The following UGT2A3 variants were observed in gnomAD, a reference collection of about 807,000 sequenced individuals.
UGT2A3 encodes UDP glucuronosyltransferase family 2 member A3.
Under a neutral mutation model 44.1 loss-of-function variants are expected in UGT2A3, and 55 were observed. The ratio of observed to expected loss-of-function variants is 1.25; its 90% confidence interval spans 1.00 to 1.56. UGT2A3 has a LOEUF of 1.56. Among genes scored for constraint, UGT2A3 ranks in the 40% most tolerant of loss-of-function variants. UGT2A3 has a pLI of 0.00. For synonymous variants in UGT2A3, 243 were observed against 215.1 expected (o/e 1.13, Z -1.13); for missense variants, 733 against 621.6 (o/e 1.18, Z -1.91).
At chr4:68,945,041 T>A (rs1171666789) in intron 2 of UGT2A3, among the ~76,000 whole-genome samples, 1 of 151,760 alleles carries the variant, frequency 6.6e-6, no homozygotes, top group Non-Finnish European at 1.5e-5. Flanking sequence ...TCCAATTCCC[T>A]ATTAATTCAA....
chr4:68,943,276 G>A (rs1170027483), intron 2 of UGT2A3: 29 of 1,234,978 alleles, frequency 2.3e-5, no homozygotes, highest in Non-Finnish European at 3.0e-5. Context: ...TGGCATGGGA[G>A]ATTACCTAGA....
At chr4:68,938,377 C>A (rs1718035628) in intron 2 of UGT2A3, among the ~76,000 whole-genome samples, 1 of 152,050 alleles carries the variant, frequency 6.6e-6, no homozygotes, top group Non-Finnish European at 1.5e-5. Flanking sequence ...TTGGCTTCAT[C>A]CCCGGAGGCA....
intron 3 of UGT2A3, among the ~76,000 whole-genome samples, chr4:68,932,208 A>G (rs1437612976): frequency 6.6e-6 from 1 of 151,920 alleles, no homozygotes; most frequent in Non-Finnish European, 1.5e-5. Context: ...TTTATTTCTA[A>G]GCAAAACTAC....
intron 2 of UGT2A3, among the ~76,000 whole-genome samples, chr4:68,935,287 T>C (rs1278487732): frequency 1.3e-5 from 1 of 76,120 alleles, no homozygotes; most frequent in African/African-American, 7.8e-5. Flanking sequence ...TATATATATA[T>C]ATATATATAT....
Position 68,951,242 on chromosome 4 carries a change from A to G in UGT2A3, c.519T>C (p.Ser173=), listed in dbSNP as rs907973280. 6.2e-7 allele frequency: 1 copy of G among 1,611,432 alleles called. No individual in the cohort carries two copies. Among genetic ancestry groups the G allele is most frequent in the African/African-American group, 1.3e-5 (1 of 74,758 alleles). The part of the protein sequence containing the change: ...AVPFVLTLRI[S]VGGNMERSCG... ...AGCTTCGCTCCATATTGCCTCCTAC[A>G]GAAATTCTAAGTGTGAGCACAAAAG... The change falls in exon 1 of 6, where the codon TCT becomes TCC. Residue 173 remains serine, a synonymous_variant. Coordinates refer to ENST00000251566, the MANE Select transcript of UGT2A3 (RefSeq NM_024743.4).
chr4:68,950,514 A>G (rs1203934271), intron 1 of UGT2A3, among the ~76,000 whole-genome samples: 1 of 151,930 alleles, frequency 6.6e-6, no homozygotes, highest in Non-Finnish European at 1.5e-5. Flanking sequence ...GGTGTATATC[A>G]GTAAAGTAAA....
chr4:68,930,903 A>G, intron 4 of UGT2A3, 138 bp from the exon 5 acceptor site: 2 of 794,950 alleles, frequency 2.5e-6, no homozygotes, highest in Non-Finnish European at 1.9e-6. Flanking sequence ...CACATGGAGC[A>G]TTGCTACTAA....
At chr4:68,942,538 T>TATATACAC (rs1442602288) in intron 2 of UGT2A3, among the ~76,000 whole-genome samples, 1 of 142,992 alleles carries the variant, frequency 7.0e-6, no homozygotes, top group African/African-American at 2.7e-5. Flanking sequence ...TATATATATA[T>TATATACAC]ACATTTTCCA....
At chr4:68,942,583 T>C (rs1250497147) in intron 2 of UGT2A3, among the ~76,000 whole-genome samples, 3 of 146,654 alleles carry the variant, frequency 2.0e-5, no homozygotes, top group African/African-American at 7.5e-5. Flanking sequence ...AAATATATAT[T>C]GGAAAAAAAA....
intron 4 of UGT2A3, among the ~76,000 whole-genome samples, 155 bp from the exon 5 acceptor site, chr4:68,930,920 T>C (rs1023560876): frequency 1.3e-5 from 2 of 152,150 alleles, no homozygotes; most frequent in African/African-American, 4.8e-5. Context: ...CTAAAGATCA[T>C]TTCTATCTCC....
intron 2 of UGT2A3, among the ~76,000 whole-genome samples, chr4:68,938,850 A>G (rs993620637): frequency 3.3e-5 from 5 of 152,224 alleles, no homozygotes. Context: ...CAACTTCAGC[A>G]AAGTCTGAGG....
chr4:68,939,998 A>G (rs1293504360), intron 2 of UGT2A3, among the ~76,000 whole-genome samples: 1 of 152,214 alleles, frequency 6.6e-6, no homozygotes, highest in East Asian at 1.9e-4. Context: ...CCACAATGAG[A>G]TACCATCTCA....
rs1204686879 is a variant in UGT2A3, at chr4:68,929,785, A to G, written c.*28T>C. On this transcript the variant is annotated 3_prime_UTR_variant, in exon 6 of 6. Coordinates refer to ENST00000251566, the MANE Select transcript of UGT2A3 (RefSeq NM_024743.4). ...TGGCTGGAATTAACAGGATTACCCCATCAGGTCTTTCTTGAATTTGGAAAG... is the reference window on the plus strand; with the variant it reads ...TGGCTGGAATTAACAGGATTACCCCGTCAGGTCTTTCTTGAATTTGGAAAG... The G allele has an allele frequency of 1.3e-6, 2 of 1,532,326 alleles. No individual in the cohort carries two copies. Among genetic ancestry groups the G allele is most frequent in the East Asian group, 4.5e-5 (2 of 44,444 alleles). 94.9% of individuals were successfully genotyped at this position (1,532,326 alleles called of 1,614,324 possible).
In UGT2A3 at chr4:68,948,430, C is replaced by CTTTTTCTTCTTTTTTTTTTTTTTTTTT. The variant is rs772753904; in HGVS notation, c.715+2615_715+2616insAAAAAAAAAAAAAAAAAAGAAGAAAAA. On this transcript the variant is annotated intron_variant, in intron 1 of 5. Coordinates refer to ENST00000251566, the MANE Select transcript of UGT2A3 (RefSeq NM_024743.4). ...TGGTTGGTTTAATTTTTTTTCTTTT[C>CTTTTTCTTCTTTTTTTTTTTTTTTTTT]TTTTTTTTCTTTTTTTTTTTTTTTT... Among the ~76,000 whole-genome samples, 11 of 69,706 alleles carry CTTTTTCTTCTTTTTTTTTTTTTTTTTT rather than the reference C, an allele frequency of 1.6e-4. 4 individuals are homozygous for CTTTTTCTTCTTTTTTTTTTTTTTTTTT. The highest frequency in any genetic ancestry group is 1.1e-4 in the Non-Finnish European group (3 of 27,436). 45.7% of individuals were successfully genotyped at this position (69,706 alleles called of 152,430 possible).
chr4:68,928,762 A>T lies in UGT2A3; in HGVS notation c.*1051T>A, dbSNP rs1423699372. Reference sequence around the variant, plus strand: ...AGCTTTGTGTAGAGCTTTACATATCAAAATATTTAATATATAATACTATTT... The same window carrying T: ...AGCTTTGTGTAGAGCTTTACATATCTAAATATTTAATATATAATACTATTT... On this transcript the variant is annotated 3_prime_UTR_variant, in exon 6 of 6. Transcript: ENST00000251566. 6.6e-6 allele frequency: 1 copy of T among 151,832 alleles called. No homozygotes were observed. The highest frequency in any genetic ancestry group is 1.5e-5 in the Non-Finnish European group (1 of 67,890). The allele number at this position is 151,832 out of a possible 1,614,324, so 9.4% of individuals were successfully genotyped here. A position where few individuals can be genotyped will look rare whatever the true frequency, so the allele number is the denominator to read the frequency against.
chr4:68,934,184 A>T (rs1717850068), intron 2 of UGT2A3, among the ~76,000 whole-genome samples: 1 of 152,020 alleles, frequency 6.6e-6, no homozygotes, highest in Non-Finnish European at 1.5e-5. Flanking sequence ...GGAATCACAT[A>T]AACTATAAAT....
chr4:68,930,079 C>T lies in UGT2A3; in HGVS notation c.1318G>A (p.Ala440Thr), dbSNP rs754175791. 6.2e-7 allele frequency: 1 copy of T among 1,609,342 alleles called. No homozygotes were observed. The highest frequency in any genetic ancestry group is 8.5e-7 in the Non-Finnish European group (1 of 1,177,850). The part of the protein sequence containing the change: ...VITDSSYKEN[A>T]MRLSRIHHDQ... Reference sequence around the variant, plus strand: ...TGGTGAATTCTTGATAATCTCATAGCATTCTCTTTATAACTGGAAGGGAAA... The same window carrying T: ...TGGTGAATTCTTGATAATCTCATAGTATTCTCTTTATAACTGGAAGGGAAA... Residue 440 changes from alanine (A) to threonine (T), a missense_variant, in exon 6 of 6, where the codon GCT becomes ACT. Ala to Thr is a moderately conservative substitution (Grantham distance 58, BLOSUM62 0). Transcript: ENST00000251566.
chr4:68,939,814 T>C (rs1718117473), intron 2 of UGT2A3, among the ~76,000 whole-genome samples: 1 of 152,238 alleles, frequency 6.6e-6, no homozygotes, highest in African/African-American at 2.4e-5. Flanking sequence ...AAAGGGCTAA[T>C]ATCCAGAATC....
intron 1 of UGT2A3, among the ~76,000 whole-genome samples, chr4:68,946,841 A>G (rs549832700): frequency 6.6e-6 from 1 of 151,764 alleles, no homozygotes; most frequent in Non-Finnish European, 1.5e-5. Context: ...GTCCCAGGAC[A>G]TATAAAAGTT....
Sources: allele counts gnomAD v4.1 joint callset (sites outside exome capture counted in the v4.1 genomes callset), GRCh38; gene constraint gnomAD v4.1.1; transcripts MANE v1.5; gene names NCBI Gene and HGNC (gene_info 2026-07-23, HGNC 2026-07-21).